Variants in TYRO3 observed in about 807,000 individuals in gnomAD.
TYRO3 encodes the protein tyrosine-protein kinase receptor TYRO3.
TYRO3 carries 38 observed loss-of-function variants against 95.2 expected under a neutral mutation model. The ratio of observed to expected loss-of-function variants is 0.40; its 90% CI spans 0.31 to 0.52. The LOEUF is 0.52. TYRO3 is among the 20% of genes least tolerant of loss of function. The probability of loss-of-function intolerance (pLI) is 0.56; values close to 1 mark genes in which losing one functional copy is unlikely to be tolerated. For missense variants in TYRO3, 812 were observed against 1,116.4 expected (o/e 0.73, Z 3.89); for synonymous variants, 367 against 432.9 (o/e 0.85, Z 1.89).
At chr15:41,577,700 T>C in intron 18 of TYRO3, 186 bp from the exon 19 acceptor site, 1 of 568,998 alleles carries the variant, frequency 1.8e-6, no homozygotes, top group South Asian at 2.1e-5. Flanking sequence ...TTGCCCAGGC[T>C]GGTCTCGAAC....
In TYRO3 at chr15:41,568,380, C is replaced by T; in HGVS notation, c.1107+18C>T. 1.9e-6 allele frequency: 3 copies of T among 1,545,496 alleles called. No individual in the cohort carries two copies. The highest frequency in any genetic ancestry group is 1.4e-5 in the African/African-American group (1 of 73,968). ...GAACCCAGGTAAGACAGAACCCTCC[C>T]CTCTCTCCACTCTCCTGGAGTATAA... On this transcript the variant is annotated intron_variant, in intron 8 of 18. Transcript: ENST00000263798.
Position 41,582,985 on chromosome 15 carries a change from A to T in TYRO3, c.*4709A>T, listed in dbSNP as rs1460322393. On this transcript the variant is annotated 3_prime_UTR_variant, in exon 19 of 19. Transcript: ENST00000263798. ...ACAGGCACACGCCACTGCACCTGGCAAATTTTTAAGTGTTTTTTTTTTTTT... is the reference window on the plus strand; with the variant it reads ...ACAGGCACACGCCACTGCACCTGGCTAATTTTTAAGTGTTTTTTTTTTTTT... 1.5e-4 allele frequency: 4 copies of T among 27,146 alleles called. No homozygotes were observed. In the East Asian group the frequency reaches 4.6e-3, roughly 31 times the overall value. 1.7% of individuals were successfully genotyped at this position (27,146 alleles called of 1,614,324 possible).
intron 1 of TYRO3, among the ~76,000 whole-genome samples, chr15:41,560,779 G>A (rs2055642769): frequency 6.6e-6 from 1 of 150,684 alleles, no homozygotes; most frequent in Non-Finnish European, 1.5e-5. Flanking sequence ...CTGGCAGCCT[G>A]TTGCACTAGT....
rs745609881 is a variant in TYRO3 at position 41,578,370 on chromosome 15, G to C, written c.*94G>C. On this transcript the variant is annotated 3_prime_UTR_variant, in exon 19 of 19. Transcript: ENST00000263798. The stretch of plus-strand genomic sequence containing the variant: ...CGTCTGACCCCAGCCCAGACAGCAA[G>C]GTGTGGAGGCTCCTGTGGTAGTCCT... The C allele has an allele frequency of 3.3e-6, 5 of 1,495,584 alleles. No individual in the cohort carries two copies. The East Asian group carries it at 1.2e-4, about 35-fold the overall frequency. The allele number at this position is 1,495,584 out of a possible 1,614,324, so 92.6% of individuals were successfully genotyped here.
chr15:41,566,794 A>T (rs2055730194), intron 6 of TYRO3, among the ~76,000 whole-genome samples: 1 of 152,242 alleles, frequency 6.6e-6, no homozygotes, highest in Admixed American at 6.5e-5. Context: ...TTGAAGGTTT[A>T]TTGGTCAAAA....
intron 6 of TYRO3, among the ~76,000 whole-genome samples, 165 bp from the exon 7 acceptor site, chr15:41,567,195 T>C (rs1488868017): frequency 6.6e-6 from 1 of 152,138 alleles, no homozygotes; most frequent in East Asian, 1.9e-4. Flanking sequence ...GGTATGAAGA[T>C]GTGGAACCCT....
chr15:41,568,499 C>A, intron 8 of TYRO3, 137 bp downstream of exon 8: 1 of 847,796 alleles, frequency 1.2e-6, no homozygotes, highest in Non-Finnish European at 1.8e-6. Context: ...TTCCTCCTCA[C>A]CCTCCTCTGC....
At chr15:41,576,645 C>CA (rs1422621458) in intron 18 of TYRO3, among the ~76,000 whole-genome samples, 1 of 101,092 alleles carries the variant, frequency 9.9e-6, no homozygotes, top group East Asian at 2.7e-4. Context: ...AGTAGGTTTC[C>CA]TTTTTTTTTT....
Position 41,581,334 on chromosome 15 carries a change from G to C in TYRO3, c.*3058G>C, listed in dbSNP as rs1482304456. 6.5e-6 allele frequency: 1 copy of C among 153,460 alleles called. No homozygotes were observed. Among genetic ancestry groups the C allele is most frequent in the Non-Finnish European group, 1.5e-5 (1 of 68,038 alleles). 9.5% of individuals were successfully genotyped at this position (153,460 alleles called of 1,614,324 possible). Reference sequence around the variant, plus strand: ...TTGTGCTGCTTCTGGCTGAGGGCAGGGGAATAGGGTGGCTGCTTCTGAAAG... The same window carrying C: ...TTGTGCTGCTTCTGGCTGAGGGCAGCGGAATAGGGTGGCTGCTTCTGAAAG... On this transcript the variant is annotated 3_prime_UTR_variant, in exon 19 of 19. Transcript: ENST00000263798.
rs1213884658 is a variant in TYRO3 at position 41,567,371 on chromosome 15, C to T, written c.795C>T (p.Ala265=). 6.4e-7 allele frequency: 1 copy of T among 1,568,312 alleles called. No individual in the cohort carries two copies. Among genetic ancestry groups the T allele is most frequent in the African/African-American group, 1.4e-5 (1 of 72,980 alleles). The change falls in exon 7 of 19, where the codon GCC becomes GCT. Residue 265 remains alanine (A), a synonymous_variant. Coordinates refer to ENST00000263798, the MANE Select transcript of TYRO3 (RefSeq NM_006293.4). ...LQSCTVQVTQ[A]PGGWEVLAVV... Reference sequence around the variant, plus strand: ...CTGCTTTTCTGTAGGTGACACAGGCCCCAGGAGGCTGGGAAGTCCTGGCTG... The same window carrying T: ...CTGCTTTTCTGTAGGTGACACAGGCTCCAGGAGGCTGGGAAGTCCTGGCTG...
At chr15:41,569,165 T>TA (rs2055763035) in intron 9 of TYRO3, 143 bp downstream of exon 9, 1 of 1,016,258 alleles carries the variant, frequency 9.8e-7, no homozygotes, top group Non-Finnish European at 1.4e-6. Flanking sequence ...CAGGGCTGTT[T>TA]AAACTATCTT....
At chr15:41,576,003 C>T (rs2055855329) in intron 18 of TYRO3, among the ~76,000 whole-genome samples, 2 of 148,522 alleles carry the variant, frequency 1.3e-5, no homozygotes, top group Non-Finnish European at 3.0e-5. Context: ...ACTTGGGAAG[C>T]TGAGGCAGGA....
In TYRO3 at chr15:41,578,433, C is replaced by G; in HGVS notation, c.*157C>G. 1 of 980,988 alleles carries G rather than the reference C, an allele frequency of 1.0e-6. No individual in the cohort carries two copies. Among genetic ancestry groups the G allele is most frequent in the South Asian group, 1.8e-5 (1 of 56,912 alleles). 60.8% of individuals were successfully genotyped at this position (980,988 alleles called of 1,614,324 possible). ...TGGGAAGCCCGGACTGACCAAATCA[C>G]CCAATCCCAGTTCTTCCTGCAACCA... On this transcript the variant is annotated 3_prime_UTR_variant, in exon 19 of 19. Coordinates refer to ENST00000263798, the MANE Select transcript of TYRO3 (RefSeq NM_006293.4).
Position 41,564,257 on chromosome 15 carries a change from T to C in TYRO3, c.654T>C (p.Thr218=), listed in dbSNP as rs2055692388. Residue 218 remains threonine, a synonymous_variant, in exon 5 of 19, where the codon ACT becomes ACC. Coordinates refer to ENST00000263798, the MANE Select transcript of TYRO3 (RefSeq NM_006293.4). The part of the protein sequence containing the change: ...LKGLASSRTA[T]VHLQALPAAP... ...GCCTGGCCTCTTCTCGCACAGCCACTGTTCACCTTCAAGGTAGGAGGGCTG... is the reference window on the plus strand; with the variant it reads ...GCCTGGCCTCTTCTCGCACAGCCACCGTTCACCTTCAAGGTAGGAGGGCTG... The C allele has an allele frequency of 1.2e-6, 2 of 1,614,080 alleles. No homozygotes were observed. The highest frequency in any genetic ancestry group is 2.2e-5 in the East Asian group (1 of 44,860).
At position 41,573,348 on chromosome 15, in the gene TYRO3, C is replaced by G; in HGVS notation, c.2026C>G (p.Leu676Val). Residue 676 changes from leucine to valine, a missense_variant, in exon 17 of 19, where the codon CTC becomes GTC. By Grantham distance (32) the Leu-to-Val change is conservative. Transcript: ENST00000263798. Reference sequence around the variant, plus strand: ...GACAGTGTGTGTGGCTGACTTCGGACTCTCCCGGAAGATCTACAGTGGGGA... The same window carrying G: ...GACAGTGTGTGTGGCTGACTTCGGAGTCTCCCGGAAGATCTACAGTGGGGA... ...DMTVCVADFG[L>V]SRKIYSGDYY... is the part of the protein sequence containing the mutation. The G allele has an allele frequency of 6.2e-7, 1 of 1,614,240 alleles. No individual in the cohort carries two copies. Among genetic ancestry groups the G allele is most frequent in the Non-Finnish European group, 8.5e-7 (1 of 1,180,048 alleles).
chr15:41,566,445 C>A (rs192319524), intron 6 of TYRO3, among the ~76,000 whole-genome samples: 1 of 152,234 alleles, frequency 6.6e-6, no homozygotes, highest in African/African-American at 2.4e-5. Flanking sequence ...ATGGCAAGGA[C>A]CCCCTCACTG....
At chr15:41,574,810 C>T (rs2140834651) in intron 18 of TYRO3, 1 of 449,044 alleles carries the variant, frequency 2.2e-6, no homozygotes, top group East Asian at 7.0e-5. Flanking sequence ...GCCTCAACCT[C>T]CTGGGCTCAA....
In TYRO3 at chr15:41,572,515, G is replaced by C; in HGVS notation, c.1826G>C (p.Gly609Ala). ...GTCATCTTGCCCTTCATGAAGCATG[G>C]GGACCTGCATGCCTTCCTGCTCGCC... ...PMVILPFMKH[G>A]DLHAFLLASR... The change falls in exon 15 of 19, where the codon GGG (glycine) becomes GCG (alanine). Residue 609 changes from glycine (G) to alanine (A), a missense_variant. Gly to Ala is a moderately conservative substitution (Grantham distance 60). Transcript: ENST00000263798. The C allele has an allele frequency of 6.2e-7, 1 of 1,614,184 alleles. No homozygotes were observed. Among genetic ancestry groups the C allele is most frequent in the Non-Finnish European group, 8.5e-7 (1 of 1,180,044 alleles).
At chr15:41,577,244 G>A (rs1414267393) in intron 18 of TYRO3, 1 of 152,140 alleles carries the variant, frequency 6.6e-6, no homozygotes, top group Non-Finnish European at 1.5e-5. Context: ...GAGGCCAGGA[G>A]TTTGAGACCA....
Sources: allele counts gnomAD v4.1 joint callset (sites outside exome capture counted in the v4.1 genomes callset), GRCh38; gene constraint gnomAD v4.1.1; transcripts MANE v1.5; gene names NCBI Gene and HGNC (gene_info 2026-07-23, HGNC 2026-07-21).